The following THBS4 variants were observed in gnomAD, a reference collection of about 807,000 sequenced individuals.
THBS4 encodes thrombospondin 4.
A neutral mutation model predicts 115.7 loss-of-function variants in THBS4; 90 were observed. The observed-to-expected ratio is 0.78, with a 90% confidence interval of 0.66 to 0.93. The LOEUF is 0.93. Ranked by LOEUF, THBS4 falls within the 40% of genes least tolerant of loss-of-function variation. The probability of loss-of-function intolerance (pLI) is 0.00; values close to 1 mark genes in which losing one functional copy is unlikely to be tolerated. For synonymous variants in THBS4, 460 were observed against 479.3 expected (o/e 0.96, Z 0.53); for missense variants, 1,087 against 1,232.7 (o/e 0.88, Z 1.77).
Position 80,083,280 on chromosome 5 carries a change from T to A in THBS4, c.*139T>A. The stretch of plus-strand genomic sequence containing the variant: ...TGGCAATAAAGGAGAAGAGATCATT[T>A]TTAAAAACCGTGTTGCTCAGACATT... On this transcript the variant is annotated 3_prime_UTR_variant, in exon 22 of 22. Coordinates refer to ENST00000350881, the MANE Select transcript of THBS4 (RefSeq NM_003248.6). 1.3e-6 allele frequency: 1 copy of A among 771,760 alleles called. No individual in the cohort carries two copies. Among genetic ancestry groups the A allele is most frequent in the Non-Finnish European group, 2.2e-6 (1 of 461,228 alleles). The allele number at this position is 771,760 out of a possible 1,614,324, so 47.8% of individuals were successfully genotyped here.
chr5:80,017,684 G>A (rs1215452518), intron 2 of THBS4, among the ~76,000 whole-genome samples: 4 of 152,054 alleles, frequency 2.6e-5, no homozygotes, highest in African/African-American at 7.2e-5. Context: ...ATTTATAAAT[G>A]TCTTTGCTCA....
chr5:80,082,668 C>T, intron 21 of THBS4, 123 bp downstream of exon 21: 2 of 1,160,498 alleles, frequency 1.7e-6, no homozygotes, highest in Non-Finnish European at 2.5e-6. Context: ...TCATTAAAAC[C>T]TGATAGTCCC....
At chr5:80,055,638 GT>G in intron 2 of THBS4, 146 bp from the exon 3 acceptor site, 1 of 1,146,248 alleles carries the variant, frequency 8.7e-7, no homozygotes, top group South Asian at 1.6e-5. Context: ...AATATTTGTG[GT>G]TATTTCTCAC....
At chr5:79,993,767 G>A (rs1029561279) in intron 1 of THBS4, among the ~76,000 whole-genome samples, 9 of 152,170 alleles carry the variant, frequency 5.9e-5, no homozygotes, top group African/African-American at 2.2e-4. Context: ...TTTTGTCTGG[G>A]TGATTAAGAA....
rs1406344160 is a variant in THBS4 at position 79,991,378 on chromosome 5, TAAG to T, written n.53_55del. 1.1e-5 allele frequency: 8 copies of T among 758,772 alleles called. No individual in the cohort carries two copies. In the South Asian group the frequency reaches 1.4e-4, roughly 13 times the overall value. 47.0% of individuals were successfully genotyped at this position (758,772 alleles called of 1,614,324 possible). A position where few individuals can be genotyped will look rare whatever the true frequency, so the allele number is the denominator to read the frequency against. ...TGAGAGAAACAACGACTGGAGGGAT[TAAG>T]AAGAACTCTTAGGAGCAGCTTGGCC... On this transcript the variant is annotated non_coding_transcript_exon_variant, in exon 1 of 4. Transcript: ENST00000510218.
chr5:80,041,708 C>T (rs2112036580), intron 2 of THBS4, among the ~76,000 whole-genome samples: 1 of 152,280 alleles, frequency 6.6e-6, no homozygotes, highest in South Asian at 2.1e-4. Flanking sequence ...TCATTGCCTT[C>T]TCCTCCACTC....
At chr5:80,036,410 G>T (rs1258313509) in intron 1 of THBS4, among the ~76,000 whole-genome samples, 1 of 152,042 alleles carries the variant, frequency 6.6e-6, no homozygotes, top group Non-Finnish European at 1.5e-5. Flanking sequence ...CTACCAATTG[G>T]GTACTACGTT....
intron 2 of THBS4, among the ~76,000 whole-genome samples, chr5:80,021,184 C>A (rs1195980690): frequency 1.3e-5 from 2 of 152,046 alleles, no homozygotes; most frequent in Non-Finnish European, 2.9e-5. Flanking sequence ...CCTGGGGGTA[C>A]CTGAGACCAT....
intron 2 of THBS4, among the ~76,000 whole-genome samples, chr5:80,023,303 T>G (rs1177684059): frequency 1.3e-5 from 2 of 152,196 alleles, no homozygotes; most frequent in African/African-American, 4.8e-5. Context: ...GTGAGATATA[T>G]CGTATCTCTA....
intron 5 of THBS4, 120 bp downstream of exon 5, chr5:80,058,910 G>A (rs1229658825): frequency 3.3e-6 from 3 of 900,074 alleles, no homozygotes; most frequent in Non-Finnish European, 5.0e-6. Context: ...ATCTCCGGGG[G>A]CCCACGCAGC....
intron 2 of THBS4, 26 bp downstream of exon 2, chr5:80,040,306 T>C: frequency 1.3e-6 from 2 of 1,558,628 alleles, no homozygotes; most frequent in Non-Finnish European, 1.8e-6. Context: ...GAAATTATTT[T>C]CTTAAAAATC....
Position 80,079,227 on chromosome 5 carries a change from G to T in THBS4, c.2480G>T (p.Arg827Leu). ...EQTYWQATPF[R>L]AVAEPGIQLK... The stretch of plus-strand genomic sequence containing the variant: ...ACATATTGGCAAGCCACCCCATTCC[G>T]AGCAGTTGCAGAACCTGGCATTCAG... The change falls in exon 19 of 22, where the codon CGA becomes CTA. Residue 827 changes from arginine to leucine, a missense_variant. By Grantham distance (102) the Arg-to-Leu change is moderately radical. Around this residue, in one of 3 missense-constraint regions of THBS4, gnomAD observed 979 missense variants for 1,103.7 expected, o/e 0.89. Coordinates refer to ENST00000350881, the MANE Select transcript of THBS4 (RefSeq NM_003248.6). The T allele has an allele frequency of 6.2e-7, 1 of 1,613,194 alleles. No individual in the cohort carries two copies. The highest frequency in any genetic ancestry group is 8.5e-7 in the Non-Finnish European group (1 of 1,179,484).
chr5:80,048,565 C>T (rs1186526276), intron 2 of THBS4, among the ~76,000 whole-genome samples: 1 of 151,528 alleles, frequency 6.6e-6, no homozygotes, highest in African/African-American at 2.4e-5. Context: ...GAATCTCATA[C>T]TTTTTCAAAA....
chr5:80,055,855 C>A lies in THBS4; in HGVS notation c.363C>A (p.Asp121Glu), dbSNP rs184538051. 5 of 1,614,036 alleles carry A rather than the reference C, an allele frequency of 3.1e-6. No individual in the cohort carries two copies. The highest frequency in any genetic ancestry group is 4.2e-6 in the Non-Finnish European group (5 of 1,180,016). The stretch of plus-strand genomic sequence containing the variant: ...TTTTCAACAACCTGCAGCTGGCAGA[C>A]GGAAGGCGGCACAGGATCCTCCTGA... ...LVVFNNLQLADGRRHRILLRL... is the reference protein window; with the variant it reads ...LVVFNNLQLAEGRRHRILLRL... Residue 121 changes from aspartate (D) to glutamate (E), a missense_variant, in exon 3 of 22, where the codon GAC (aspartate) becomes GAA (glutamate). Transcript: ENST00000350881.
At chr5:80,061,211 G>A (rs1027448809) in intron 7 of THBS4, among the ~76,000 whole-genome samples, 9 of 152,272 alleles carry the variant, frequency 5.9e-5, no homozygotes, top group African/African-American at 1.9e-4. Flanking sequence ...GAATAGCATG[G>A]ACTTGACAGG....
chr5:80,005,182 C>T (rs905395085), intron 2 of THBS4, among the ~76,000 whole-genome samples: 6 of 152,176 alleles, frequency 3.9e-5, no homozygotes, highest in Non-Finnish European at 8.8e-5. Context: ...GTTCTTAGCT[C>T]CTTTTGTTAA....
At chr5:80,045,768 T>C (rs1833047003) in intron 2 of THBS4, among the ~76,000 whole-genome samples, 1 of 152,140 alleles carries the variant, frequency 6.6e-6, no homozygotes, top group Admixed American at 6.5e-5. Flanking sequence ...CGACCTCAGA[T>C]GATCTGCCTG....
intron 1 of THBS4, among the ~76,000 whole-genome samples, chr5:79,994,552 G>A (rs893909833): frequency 6.6e-6 from 1 of 152,102 alleles, no homozygotes; most frequent in Non-Finnish European, 1.5e-5. Context: ...ATTTATGTTC[G>A]CCTGTAATCC....
chr5:80,059,568 T>C, intron 6 of THBS4, 77 bp downstream of exon 6: 1 of 1,600,444 alleles, frequency 6.2e-7, no homozygotes. Context: ...GAGGCTGTGT[T>C]GACCGCAGTT....
Sources: allele counts gnomAD v4.1 joint callset (sites outside exome capture counted in the v4.1 genomes callset), GRCh38; gene constraint gnomAD v4.1.1; regional missense constraint gnomAD v4.1.1; transcripts MANE v1.5; gene names NCBI Gene and HGNC (gene_info 2026-07-23, HGNC 2026-07-21).